SRGAP1: variants seen among roughly 807,000 people sequenced by gnomAD.
SRGAP1 encodes the protein SLIT-ROBO Rho GTPase-activating protein 1.
In SRGAP1, 43 loss-of-function variants were observed where a neutral mutation model predicts 121.9. The ratio of observed to expected loss-of-function variants is 0.35; its 90% confidence interval spans 0.28 to 0.46. The LOEUF (loss-of-function observed/expected upper bound fraction) is 0.46. Among genes scored for constraint, SRGAP1 ranks in the 20% least tolerant of loss-of-function variants. The pLI, the probability that SRGAP1 is intolerant of heterozygous loss-of-function variation, is 1.00. For synonymous variants in SRGAP1, 447 were observed against 485.4 expected (o/e 0.92, Z 1.04); for missense variants, 1,102 against 1,350.9 (o/e 0.82, Z 2.89).
intron 17 of SRGAP1, among the ~76,000 whole-genome samples, chr12:64,113,116 A>G (rs1041486364): frequency 2.0e-5 from 3 of 151,884 alleles, no homozygotes; most frequent in South Asian, 2.1e-4. Flanking sequence ...TAAAGAAGAA[A>G]AAAAAAAAAG....
Position 64,042,880 on chromosome 12 carries a change from G to T in SRGAP1, c.580G>T (p.Gly194Trp). The T allele has an allele frequency of 6.2e-7, 1 of 1,613,720 alleles. No homozygotes were observed. The highest frequency in any genetic ancestry group is 8.5e-7 in the Non-Finnish European group (1 of 1,179,776). ...EAEKQEEKQI[G>W]RSGDPVFHIR... Reference sequence around the variant, plus strand: ...CGAAAAACAAGAGGAAAAGCAAATTGGGAGATCTGGTGATCCAGTCTTCCA... The same window carrying T: ...CGAAAAACAAGAGGAAAAGCAAATTTGGAGATCTGGTGATCCAGTCTTCCA... The change falls in exon 5 of 22, where the codon GGG becomes TGG. Residue 194 changes from glycine (G) to tryptophan (W), a missense_variant. By Grantham distance (184) the Gly-to-Trp change is radical. Coordinates refer to ENST00000355086, the MANE Select transcript of SRGAP1 (RefSeq NM_020762.4).
chr12:63,909,451 G>A (rs748089153), intron 1 of SRGAP1, among the ~76,000 whole-genome samples: 1 of 152,086 alleles, frequency 6.6e-6, no homozygotes, highest in Non-Finnish European at 1.5e-5. Context: ...TTGCATTCTG[G>A]CATTTCTTTT....
At chr12:63,847,879 A>T (rs1898952777) in intron 1 of SRGAP1, among the ~76,000 whole-genome samples, 1 of 151,492 alleles carries the variant, frequency 6.6e-6, no homozygotes, top group South Asian at 2.1e-4. Flanking sequence ...ACTCTAGAAT[A>T]TTTTCCCCTG....
intron 2 of SRGAP1, among the ~76,000 whole-genome samples, chr12:63,989,378 A>G (rs1046742166): frequency 3.3e-5 from 5 of 152,166 alleles, no homozygotes; most frequent in African/African-American, 1.2e-4. Context: ...TCTGATTCCC[A>G]GGAATAGTTT....
chr12:63,931,476 T>A (rs1194883356), intron 1 of SRGAP1, among the ~76,000 whole-genome samples: 1 of 152,240 alleles, frequency 6.6e-6, no homozygotes, highest in Non-Finnish European at 1.5e-5. Flanking sequence ...TTTTTCTCTT[T>A]CCTTTCTCTA....
intron 1 of SRGAP1, among the ~76,000 whole-genome samples, chr12:63,868,572 G>T (rs1386819761): frequency 1.3e-5 from 2 of 152,118 alleles, no homozygotes; most frequent in African/African-American, 4.8e-5. Context: ...ATGTTGCCCA[G>T]GCTGGCCTTG....
At chr12:64,097,649 T>A in intron 15 of SRGAP1, 1 of 305,538 alleles carries the variant, frequency 3.3e-6, no homozygotes, top group Non-Finnish European at 6.0e-6. Flanking sequence ...GAAAGCCAGG[T>A]GCCAGCTGCC....
intron 11 of SRGAP1, among the ~76,000 whole-genome samples, chr12:64,089,269 A>T (rs886978519): frequency 2.0e-5 from 3 of 152,172 alleles, no homozygotes; most frequent in Admixed American, 1.3e-4. Flanking sequence ...CACTGGAATC[A>T]TTCCAACTAG....
chr12:63,864,315 G>A (rs1401658420), intron 1 of SRGAP1, among the ~76,000 whole-genome samples: 2 of 152,198 alleles, frequency 1.3e-5, no homozygotes, highest in East Asian at 3.9e-4. Context: ...TATCATTGTG[G>A]TTATTCATCT....
chr12:63,984,275 C>T (rs1375732466), intron 2 of SRGAP1, 133 bp downstream of exon 2: 2 of 426,180 alleles, frequency 4.7e-6, no homozygotes, highest in Admixed American at 8.7e-5. Context: ...ATAAAAGCAG[C>T]CCTCTACATT....
At chr12:63,935,173 TG>T (rs2031622883) in intron 1 of SRGAP1, among the ~76,000 whole-genome samples, 3 of 151,680 alleles carry the variant, frequency 2.0e-5, no homozygotes, top group South Asian at 4.1e-4. Flanking sequence ...AAAAAGTAAA[TG>T]TTTTTTTAAA....
intron 3 of SRGAP1, among the ~76,000 whole-genome samples, chr12:63,994,763 C>G (rs1347309910): frequency 6.6e-6 from 1 of 152,190 alleles, no homozygotes; most frequent in Non-Finnish European, 1.5e-5. Context: ...ATTCTCAACC[C>G]TCACTTGTTT....
At position 64,127,840 on chromosome 12, in the gene SRGAP1, CCT is replaced by C. The variant is rs766707597; in HGVS notation, c.2541-20_2541-19del. On this transcript the variant is annotated intron_variant, in intron 20 of 21. Transcript: ENST00000355086. Reference sequence around the variant, plus strand: ...GTGTGATAAGCTCTTCTGTTTTCTCCCTGTTTCTGTGAATGTCTAGGCAACGA... The same window carrying C: ...GTGTGATAAGCTCTTCTGTTTTCTCCGTTTCTGTGAATGTCTAGGCAACGA... The C allele has an allele frequency of 4.4e-6, 7 of 1,602,138 alleles. No homozygotes were observed. Among genetic ancestry groups the C allele is most frequent in the South Asian group, 1.1e-5 (1 of 89,662 alleles).
intron 1 of SRGAP1, among the ~76,000 whole-genome samples, chr12:63,889,843 G>A (rs557061151): frequency 3.9e-5 from 6 of 152,136 alleles, no homozygotes; most frequent in East Asian, 3.9e-4. Context: ...GGGAGGCAGC[G>A]GTTGCAGTGA....
intron 1 of SRGAP1, among the ~76,000 whole-genome samples, chr12:63,855,732 C>A (rs1899228100): frequency 6.6e-6 from 1 of 151,700 alleles, no homozygotes; most frequent in Non-Finnish European, 1.5e-5. Flanking sequence ...CAAGTGATTG[C>A]CCTCCTTGGC....
intron 1 of SRGAP1, among the ~76,000 whole-genome samples, chr12:63,903,355 G>A (rs776727482): frequency 2.6e-5 from 4 of 152,058 alleles, no homozygotes; most frequent in African/African-American, 9.6e-5. Context: ...TGGGATTGGC[G>A]TGCGCTAATT....
rs2036977544 is a variant in SRGAP1, at chr12:64,142,283, ATTC to A, written c.2881-8_2881-6del. On this transcript the variant is annotated splice_polypyrimidine_tract_variant and intron_variant, in intron 21 of 21. Coordinates refer to ENST00000355086, the MANE Select transcript of SRGAP1 (RefSeq NM_020762.4). The stretch of plus-strand genomic sequence containing the variant: ...GTCTGTGCTTTCTCTCTTTCCGATT[ATTC>A]TTCAATAGGATATTGAAGAAACGAT... The A allele has an allele frequency of 1.2e-6, 2 of 1,606,794 alleles. No individual in the cohort carries two copies. The highest frequency in any genetic ancestry group is 2.7e-5 in the African/African-American group (2 of 74,526).
intron 1 of SRGAP1, among the ~76,000 whole-genome samples, chr12:63,940,496 G>A (rs921198777): frequency 2.6e-5 from 4 of 152,036 alleles, no homozygotes; most frequent in African/African-American, 9.7e-5. Flanking sequence ...TAAGGGGGTG[G>A]GGGTTTGCTG....
chr12:63,857,197 A>G (rs561262152), intron 1 of SRGAP1, among the ~76,000 whole-genome samples: 2 of 150,778 alleles, frequency 1.3e-5, no homozygotes, highest in East Asian at 3.9e-4. Context: ...CTCTTGCCTC[A>G]GCCTCCCAAG....
Sources: allele counts gnomAD v4.1 joint callset (sites outside exome capture counted in the v4.1 genomes callset), GRCh38; gene constraint gnomAD v4.1.1; transcripts MANE v1.5; gene names NCBI Gene and HGNC (gene_info 2026-07-23, HGNC 2026-07-21).